The following TTLL4 variants were observed in gnomAD, a reference collection of about 807,000 sequenced individuals.
TTLL4 encodes the protein tubulin tyrosine ligase like 4, also known as tubulin monoglutamylase TTLL4.
In TTLL4, 85 loss-of-function variants were observed where a neutral mutation model predicts 122.7. The observed-to-expected ratio is 0.69, with a 90% CI of 0.58 to 0.83. The LOEUF (loss-of-function observed/expected upper bound fraction) is 0.83. Ranked by LOEUF, TTLL4 falls within the 40% of genes least tolerant of loss-of-function variation. TTLL4 has a pLI of 0.00. For synonymous variants in TTLL4, 553 were observed against 563.0 expected, an observed-to-expected ratio of 0.98 and a Z score of 0.25; for missense variants, 1,363 against 1,488.6, an observed-to-expected ratio of 0.92 and a Z score of 1.39.
At chr2:218,714,049 G>C (rs1941787921) in intron 1 of TTLL4, among the ~76,000 whole-genome samples, 1 of 152,198 alleles carries the variant, frequency 6.6e-6, no homozygotes, top group Non-Finnish European at 1.5e-5. Flanking sequence ...TCACAAGAGA[G>C]GCCTGGGTGA....
At chr2:218,713,333 C>G (rs931545491) in intron 1 of TTLL4, among the ~76,000 whole-genome samples, 1 of 152,172 alleles carries the variant, frequency 6.6e-6, no homozygotes, top group Non-Finnish European at 1.5e-5. Context: ...GCTGGAGTGC[C>G]ATGGTGTGAT....
intron 12 of TTLL4, chr2:218,748,540 A>C (rs1942913283): frequency 2.3e-6 from 1 of 436,390 alleles, no homozygotes; most frequent in African/African-American, 2.0e-5. Flanking sequence ...CTACAATCCC[A>C]GCTGCTCAGG....
rs537704176 is a variant in TTLL4 at position 218,729,947 on chromosome 2, T to C, written c.-99+2600T>C. Among the ~76,000 whole-genome samples the C allele has an allele frequency of 2.2e-3, 334 of 152,236 alleles. 1 individual carries two copies. Among genetic ancestry groups the C allele is most frequent in the Non-Finnish European group, 3.7e-3 (252 of 68,010 alleles). ...TTTGTAGAGATAATGTCTCCCTATA[T>C]TGCTCAGGCTGTTCTCAAACTCATG... is the stretch of plus-strand genomic sequence containing the variant. On this transcript the variant is annotated intron_variant, in intron 2 of 19. Coordinates refer to ENST00000392102, the MANE Select transcript of TTLL4 (RefSeq NM_014640.5).
intron 1 of TTLL4, among the ~76,000 whole-genome samples, chr2:218,715,269 A>G (rs1941824594): frequency 6.6e-6 from 1 of 152,264 alleles, no homozygotes; most frequent in Admixed American, 6.5e-5. Flanking sequence ...AAAAGGATGA[A>G]GTATTTCAGT....
downstream of TTLL4, among the ~76,000 whole-genome samples, chr2:218,758,483 A>G (rs1210071362): frequency 1.3e-5 from 2 of 152,240 alleles, no homozygotes; most frequent in Non-Finnish European, 2.9e-5. Flanking sequence ...TATAACATGC[A>G]ATAGTGTTAC....
chr2:218,753,806 C>A, intron 19 of TTLL4, 137 bp downstream of exon 19: 1 of 946,990 alleles, frequency 1.1e-6, no homozygotes, highest in Non-Finnish European at 1.6e-6. Context: ...GACATGCAGC[C>A]ATAGCATCCT....
intron 14 of TTLL4, 51 bp from the exon 15 acceptor site, chr2:218,749,958 A>G: frequency 1.3e-6 from 2 of 1,599,952 alleles, no homozygotes; most frequent in Non-Finnish European, 1.7e-6. Flanking sequence ...ATATGACCAG[A>G]GACTGTTTCG....
chr2:218,754,136 A>T lies in TTLL4; in HGVS notation c.3347A>T (p.Lys1116Ile). 2 of 1,614,122 alleles carry T rather than the reference A, an allele frequency of 1.2e-6. No homozygotes were observed. The highest frequency in any genetic ancestry group is 8.5e-7 in the Non-Finnish European group (1 of 1,180,016). ...CTTTCACCACCTATTCCCTCCAGAA[A>T]ACAAAGCTCCTGTGAGGTTAGCCTA... ...FSKSETSKLG[K>I]QSSCEVSLLL... Residue 1116 changes from lysine (K) to isoleucine (I), a missense_variant and splice_region_variant, in exon 20 of 20, where the codon AAA becomes ATA. Physicochemically the swap from Lys to Ile is moderately radical, Grantham distance 102. Around this residue, in one of 3 missense-constraint regions of TTLL4, gnomAD observed 596 missense variants for 655.8 expected, o/e 0.91. Coordinates refer to ENST00000392102, the MANE Select transcript of TTLL4 (RefSeq NM_014640.5).
chr2:218,751,862 T>G, intron 16 of TTLL4, 56 bp downstream of exon 16: 1 of 1,357,836 alleles, frequency 7.4e-7, no homozygotes, highest in South Asian at 1.3e-5. Context: ...GTCAAACATT[T>G]GGGACCCAAA....
Position 218,751,908 on chromosome 2 carries a change from T to TC in TTLL4, c.2976+102_2976+103insC, listed in dbSNP as rs1282588903. 8.9e-5 allele frequency: 61 copies of TC among 685,096 alleles called. 1 individual carries two copies. The highest frequency in any genetic ancestry group is 1.6e-4 in the African/African-American group (7 of 44,984). 42.4% of individuals were successfully genotyped at this position (685,096 alleles called of 1,614,324 possible). ...TTTTCTTTTTTTTTTTCTTTTCTTT[T>TC]TCTTTTTTTTTTTTTTGAGATAGAG... On this transcript the variant is annotated intron_variant, in intron 16 of 19. Transcript: ENST00000392102.
chr2:218,748,646 C>T (rs1473795254), intron 12 of TTLL4, 190 bp from the exon 13 acceptor site: 1 of 491,682 alleles, frequency 2.0e-6, no homozygotes, highest in East Asian at 3.4e-5. Context: ...AAGAGTGAAA[C>T]TCCATCTCAA....
chr2:218,739,955 A>T (rs1363835338), intron 3 of TTLL4, 103 bp from the exon 4 acceptor site: 2 of 1,041,348 alleles, frequency 1.9e-6, no homozygotes, highest in Non-Finnish European at 2.9e-6. Flanking sequence ...GCAGATTGGT[A>T]ATGGAGAAGG....
At chr2:218,731,377 C>T (rs1218346358) in intron 2 of TTLL4, among the ~76,000 whole-genome samples, 3 of 151,544 alleles carry the variant, frequency 2.0e-5, no homozygotes, top group Non-Finnish European at 4.4e-5. Context: ...TACCACTACA[C>T]TCCAGCGTGG....
At position 218,750,063 on chromosome 2, in the gene TTLL4, C is replaced by T. The variant is rs371606926; in HGVS notation, c.2790C>T (p.Asp930=). The T allele has an allele frequency of 2.5e-6, 4 of 1,614,056 alleles. No homozygotes were observed. In the African/African-American group the frequency reaches 5.3e-5, roughly 22 times the overall value. Residue 930 remains aspartate, a synonymous_variant, in exon 15 of 20, where the codon GAC becomes GAT. Transcript: ENST00000392102. ...GCATCAAAGGCCAGATGATTCGTGA[C>T]CTTCTGAATCTGGCAGGTTTTGTCC... ...DISIKGQMIR[D]LLNLAGFVLP...
chr2:218,735,954 C>T (rs985817755), intron 2 of TTLL4, among the ~76,000 whole-genome samples: 4 of 149,738 alleles, frequency 2.7e-5, no homozygotes, highest in Non-Finnish European at 4.4e-5. Flanking sequence ...CAGATGTAGC[C>T]ACCGTGCCCA....
At chr2:218,728,714 A>G (rs142154491) in intron 2 of TTLL4, among the ~76,000 whole-genome samples, 1 of 152,330 alleles carries the variant, frequency 6.6e-6, no homozygotes, top group East Asian at 1.9e-4. Flanking sequence ...GGAGACCTGT[A>G]GAACATACCT....
Position 218,738,249 on chromosome 2 carries a change from C to A in TTLL4, c.573C>A (p.Asn191Lys). ...PYLCLAAAGENPSGKSLASAI... is the reference protein window; with the variant it reads ...PYLCLAAAGEKPSGKSLASAI... Reference sequence around the variant, plus strand: ...TCTGCTTGGCAGCGGCTGGGGAAAACCCTTCAGGGAAGAGCCTGGCCTCTG... The same window carrying A: ...TCTGCTTGGCAGCGGCTGGGGAAAAACCTTCAGGGAAGAGCCTGGCCTCTG... The change falls in exon 3 of 20, where the codon AAC becomes AAA. Residue 191 changes from asparagine to lysine, a missense_variant. Asn to Lys is a moderately conservative substitution (Grantham distance 94). This residue lies in a region of TTLL4 where 760 missense variants were observed against 808.4 expected (regional missense o/e 0.94). Coordinates refer to ENST00000392102, the MANE Select transcript of TTLL4 (RefSeq NM_014640.5). 1.2e-6 allele frequency: 2 copies of A among 1,614,068 alleles called. No individual in the cohort carries two copies. The highest frequency in any genetic ancestry group is 1.1e-5 in the South Asian group (1 of 91,078).
chr2:218,748,361 T>A (rs1469159803), intron 12 of TTLL4, 134 bp downstream of exon 12: 3 of 1,383,664 alleles, frequency 2.2e-6, no homozygotes, highest in Non-Finnish European at 2.9e-6. Flanking sequence ...AATTCAGAAT[T>A]GGTCTATTTG....
Position 218,737,581 on chromosome 2 carries a change from T to C in TTLL4, c.-96T>C. On this transcript the variant is annotated splice_region_variant and 5_prime_UTR_variant, in exon 3 of 20. Coordinates refer to ENST00000392102, the MANE Select transcript of TTLL4 (RefSeq NM_014640.5). ...CCTATCATTTCTCTCCACTTCAGAC[T>C]GACAGACTTCAAGGATGCAGCTGCT... 1.4e-6 allele frequency: 2 copies of C among 1,387,590 alleles called. No individual in the cohort carries two copies. Among genetic ancestry groups the C allele is most frequent in the East Asian group, 2.3e-5 (1 of 43,424 alleles). The allele number at this position is 1,387,590 out of a possible 1,614,324, so 86.0% of individuals were successfully genotyped here. A position where few individuals can be genotyped will look rare whatever the true frequency, so the allele number is the denominator to read the frequency against.
Sources: allele counts gnomAD v4.1 joint callset (sites outside exome capture counted in the v4.1 genomes callset), GRCh38; gene constraint gnomAD v4.1.1; regional missense constraint gnomAD v4.1.1; transcripts MANE v1.5; gene names NCBI Gene and HGNC (gene_info 2026-07-23, HGNC 2026-07-21).